The following SMYD3 variants were observed in gnomAD, a reference collection of about 807,000 sequenced individuals.
SMYD3 encodes the protein histone-lysine N-methyltransferase SMYD3.
A neutral mutation model predicts 57.7 loss-of-function variants in SMYD3; 36 were observed. That is an observed-to-expected ratio of 0.62 (90% CI 0.48 to 0.82). SMYD3 has a LOEUF of 0.82. Ranked by LOEUF, SMYD3 falls within the 40% of genes least tolerant of loss-of-function variation. The probability of loss-of-function intolerance (pLI) is 0.00; values close to 1 mark genes in which losing one functional copy is unlikely to be tolerated. For synonymous variants in SMYD3, 211 were observed against 195.0 expected (o/e 1.08, Z -0.68); for missense variants, 515 against 538.8 (o/e 0.96, Z 0.44).
intron 5 of SMYD3, among the ~76,000 whole-genome samples, chr1:246,005,951 T>G (rs957600490): frequency 1.3e-5 from 2 of 152,160 alleles, no homozygotes; most frequent in African/African-American, 4.8e-5. Context: ...CCATATGAGA[T>G]GTGGAGTTTG....
intron 3 of SMYD3, 23 bp downstream of exon 3, chr1:246,335,344 T>C (rs752842490): frequency 2.5e-6 from 4 of 1,598,754 alleles, no homozygotes; most frequent in Non-Finnish European, 3.4e-6. Context: ...AACCCAGCTA[T>C]ATTTCATGAG....
At chr1:246,118,424 T>A (rs888614703) in intron 5 of SMYD3, among the ~76,000 whole-genome samples, 1 of 152,166 alleles carries the variant, frequency 6.6e-6, no homozygotes, top group African/African-American at 2.4e-5. Flanking sequence ...GAAGCCTCCA[T>A]TAAATCCCAT....
At chr1:246,116,005 G>T (rs2061335691) in intron 5 of SMYD3, among the ~76,000 whole-genome samples, 1 of 152,114 alleles carries the variant, frequency 6.6e-6, no homozygotes, top group Admixed American at 6.5e-5. Flanking sequence ...TGGGCGTGGT[G>T]GCACATGCCT....
chr1:245,937,027 A>T (rs1283246642), intron 5 of SMYD3, among the ~76,000 whole-genome samples: 1 of 152,210 alleles, frequency 6.6e-6, no homozygotes, highest in Non-Finnish European at 1.5e-5. Context: ...TAAAATAATA[A>T]TATTATTTAA....
intron 1 of SMYD3, among the ~76,000 whole-genome samples, chr1:246,402,620 T>C (rs977507348): frequency 1.3e-5 from 2 of 152,168 alleles, no homozygotes; most frequent in Non-Finnish European, 2.9e-5. Context: ...CTGTGTGAAG[T>C]AATAAAGCTT....
chr1:245,761,429 G>A (rs778667844), intron 11 of SMYD3, among the ~76,000 whole-genome samples: 2 of 152,142 alleles, frequency 1.3e-5, no homozygotes, highest in African/African-American at 4.8e-5. Flanking sequence ...ATCAGCCCAG[G>A]CCACATTATC....
At chr1:246,071,308 G>A (rs1178105211) in intron 5 of SMYD3, among the ~76,000 whole-genome samples, 1 of 152,118 alleles carries the variant, frequency 6.6e-6, no homozygotes, top group African/African-American at 2.4e-5. Context: ...TGCCAGCAGT[G>A]GCTACTTCTA....
At chr1:246,273,306 T>C (rs2064264302) in intron 5 of SMYD3, among the ~76,000 whole-genome samples, 2 of 149,872 alleles carry the variant, frequency 1.3e-5, no homozygotes, top group Non-Finnish European at 3.0e-5. Flanking sequence ...CCCGCCACCG[T>C]GCCCAGCTAA....
intron 5 of SMYD3, among the ~76,000 whole-genome samples, chr1:246,063,738 C>T (rs1430637361): frequency 6.6e-6 from 1 of 152,078 alleles, no homozygotes; most frequent in South Asian, 2.1e-4. Context: ...CTCCCAGGTT[C>T]AAGCAATTCT....
chr1:246,157,622 C>T (rs1354776990), intron 5 of SMYD3, among the ~76,000 whole-genome samples: 1 of 145,302 alleles, frequency 6.9e-6, no homozygotes, highest in Non-Finnish European at 1.5e-5. Context: ...TGAAGTCCCT[C>T]CTTGCCACAA....
intron 5 of SMYD3, chr1:246,326,400 T>C (rs1375251640): frequency 3.1e-6 from 2 of 638,150 alleles, no homozygotes; most frequent in African/African-American, 2.4e-5. Flanking sequence ...TATGGGCTAG[T>C]GAAGAAAAAA....
At position 245,882,499 on chromosome 1, in the gene SMYD3, A is replaced by G. The variant is rs77056533; in HGVS notation, c.814-18613T>C. Among the ~76,000 whole-genome samples, 1,040 of 152,236 alleles carry G rather than the reference A, an allele frequency of 6.8e-3. 7 individuals carry two copies. Among genetic ancestry groups the G allele is most frequent in the East Asian group, 0.047 (245 of 5,182 alleles). On this transcript the variant is annotated intron_variant, in intron 8 of 11. Transcript: ENST00000490107. ...AATTTTGGGTAATAGTTCTAAATCT[A>G]TTTTCAATCATGTGGGGGTGAGGGG...
chr1:246,010,878 A>G (rs2059270484), intron 5 of SMYD3, among the ~76,000 whole-genome samples: 1 of 152,208 alleles, frequency 6.6e-6, no homozygotes, highest in South Asian at 2.1e-4. Context: ...GTGTTTCCCC[A>G]AGGAAAGGTG....
At chr1:245,895,318 A>G (rs543701810) in intron 8 of SMYD3, among the ~76,000 whole-genome samples, 1 of 152,272 alleles carries the variant, frequency 6.6e-6, no homozygotes, top group Non-Finnish European at 1.5e-5. Context: ...ACGCACGCAC[A>G]CACTTCTTCA....
chr1:245,843,384 T>C (rs2050496536), intron 10 of SMYD3, among the ~76,000 whole-genome samples: 1 of 152,200 alleles, frequency 6.6e-6, no homozygotes, highest in African/African-American at 2.4e-5. Context: ...GTGGATCCAC[T>C]GTACCAGTCT....
chr1:246,331,260 T>G (rs1336949957), intron 3 of SMYD3, among the ~76,000 whole-genome samples: 1 of 152,210 alleles, frequency 6.6e-6, no homozygotes, highest in Non-Finnish European at 1.5e-5. Flanking sequence ...AGTTTACTGT[T>G]TTGCCACTTA....
intron 10 of SMYD3, among the ~76,000 whole-genome samples, chr1:245,784,336 A>C (rs1212767843): frequency 6.6e-6 from 1 of 152,150 alleles, no homozygotes; most frequent in African/African-American, 2.4e-5. Flanking sequence ...CTGTGTAAGA[A>C]ACCACCCCAA....
chr1:246,374,353 C>A (rs1475417107), intron 1 of SMYD3, among the ~76,000 whole-genome samples: 1 of 152,142 alleles, frequency 6.6e-6, no homozygotes, highest in Non-Finnish European at 1.5e-5. Flanking sequence ...CAGTTGTGGA[C>A]AGAAGAGGAA....
intron 10 of SMYD3, among the ~76,000 whole-genome samples, chr1:245,815,045 G>A (rs1023481390): frequency 2.6e-5 from 4 of 152,194 alleles, no homozygotes; most frequent in Non-Finnish European, 4.4e-5. Flanking sequence ...GAAAGCCAGA[G>A]CAGGACAATG....
Sources: allele counts gnomAD v4.1 joint callset (sites outside exome capture counted in the v4.1 genomes callset), GRCh38; gene constraint gnomAD v4.1.1; transcripts MANE v1.5; gene names NCBI Gene and HGNC (gene_info 2026-07-23, HGNC 2026-07-21).